The following NCAPG2 variants were observed in gnomAD, a reference collection of about 807,000 sequenced individuals.
NCAPG2 encodes the protein non-SMC condensin II complex subunit G2.
In NCAPG2, 53 loss-of-function variants were observed where a neutral mutation model predicts 141.1. The ratio of observed to expected loss-of-function variants is 0.38; its 90% CI spans 0.30 to 0.47. NCAPG2 has a LOEUF of 0.47. Ranked by LOEUF, NCAPG2 falls within the 20% of genes least tolerant of loss-of-function variation. NCAPG2 has a pLI of 0.99. For missense variants in NCAPG2, 1,087 were observed against 1,389.0 expected, an observed-to-expected ratio of 0.78 and a Z score of 3.46; for synonymous variants, 499 against 490.7, an observed-to-expected ratio of 1.02 and a Z score of -0.22.
intron 13 of NCAPG2, among the ~76,000 whole-genome samples, chr7:158,666,358 C>G (rs933187520): frequency 7.2e-5 from 11 of 152,064 alleles, no homozygotes; most frequent in African/African-American, 2.4e-4. Flanking sequence ...ACTGCACCAG[C>G]GGGCCTGCAG....
intron 13 of NCAPG2, among the ~76,000 whole-genome samples, chr7:158,667,457 TCCGCCCGCC>T (rs1833145370): frequency 7.5e-6 from 1 of 133,894 alleles, no homozygotes; most frequent in African/African-American, 3.0e-5. Flanking sequence ...ACTGGGTCCC[TCCGCCCGCC>T]TTACCCACTA....
chr7:158,648,621 A>G (rs549819896), intron 24 of NCAPG2, among the ~76,000 whole-genome samples: 1 of 86,746 alleles, frequency 1.2e-5, no homozygotes, highest in South Asian at 4.0e-4. Context: ...ATGGACGACA[A>G]CCACGCCAAA....
chr7:158,660,053 A>G (rs954337663), intron 16 of NCAPG2, among the ~76,000 whole-genome samples: 1 of 152,010 alleles, frequency 6.6e-6, no homozygotes, highest in Non-Finnish European at 1.5e-5. Context: ...CGAGGCTTGC[A>G]GCCAAGATCA....
At chr7:158,651,734 C>T (rs1831508620) in intron 23 of NCAPG2, among the ~76,000 whole-genome samples, 1 of 152,124 alleles carries the variant, frequency 6.6e-6, no homozygotes, top group Non-Finnish European at 1.5e-5. Context: ...CAGCTTTCAA[C>T]CAGCAAAGGG....
chr7:158,651,087 A>G (rs970236161), intron 23 of NCAPG2, 115 bp from the exon 24 acceptor site: 1 of 1,145,910 alleles, frequency 8.7e-7, no homozygotes, highest in East Asian at 3.1e-5. Context: ...TCAAGGAGTC[A>G]CTGATCTTGT....
At chr7:158,663,433 G>A (rs1359315004) in intron 15 of NCAPG2, among the ~76,000 whole-genome samples, 6 of 152,220 alleles carry the variant, frequency 3.9e-5, no homozygotes, top group African/African-American at 1.4e-4. Flanking sequence ...CAGCATAACT[G>A]ACTGAGGGGC....
At chr7:158,668,758 G>GT (rs1267233916) in intron 13 of NCAPG2, among the ~76,000 whole-genome samples, 1 of 152,174 alleles carries the variant, frequency 6.6e-6, no homozygotes, top group Non-Finnish European at 1.5e-5. Flanking sequence ...TGTTTTCTGG[G>GT]TTTTTTGGTC....
chr7:158,688,177 T>TA (rs34988657), intron 6 of NCAPG2, among the ~76,000 whole-genome samples: 80,557 of 134,080 alleles, frequency 0.6, 21,962 homozygotes, highest in Middle Eastern at 0.66. Context: ...ACAGGCAAGT[T>TA]AAAAAAAAAA....
chr7:158,653,022 C>T (rs1831598112), intron 22 of NCAPG2, among the ~76,000 whole-genome samples: 1 of 152,146 alleles, frequency 6.6e-6, no homozygotes, highest in Non-Finnish European at 1.5e-5. Flanking sequence ...TTGACTGTTG[C>T]AATCATTAAG....
intron 13 of NCAPG2, among the ~76,000 whole-genome samples, chr7:158,670,679 G>A (rs143912651): frequency 1.1e-4 from 17 of 149,450 alleles, no homozygotes; most frequent in Non-Finnish European, 2.2e-4. Context: ...AGCACACCAG[G>A]ACCACATCTA....
In NCAPG2 at chr7:158,655,250, T is replaced by C. The variant is rs1322402704; in HGVS notation, c.2514A>G (p.Ser838=). Residue 838 remains serine, a synonymous_variant, in exon 21 of 28, where the codon TCA becomes TCG. Transcript: ENST00000356309. ...LSIHLQHKFC[S]EGKVYLSMLE... ...ACATGGACAAATACACCTTTCCTTC[T>C]GAGCAGAACTGTCCAAAAACAAGAA... 1 of 1,613,400 alleles carries C rather than the reference T, an allele frequency of 6.2e-7. No individual in the cohort carries two copies.
chr7:158,648,100 C>T (rs554720419), intron 24 of NCAPG2, among the ~76,000 whole-genome samples: 1 of 152,188 alleles, frequency 6.6e-6, no homozygotes, highest in African/African-American at 2.4e-5. Flanking sequence ...CATTAAAATA[C>T]TTTACATCTT....
At chr7:158,648,537 G>T (rs73165313) in intron 24 of NCAPG2, among the ~76,000 whole-genome samples, 44,195 of 92,748 alleles carry the variant, frequency 0.48, 11,499 homozygotes, top group Non-Finnish European at 0.54. Context: ...CCAAATGGAC[G>T]ACAACCACGG....
intron 16 of NCAPG2, among the ~76,000 whole-genome samples, chr7:158,661,791 T>C (rs1270916260): frequency 1.3e-5 from 2 of 152,160 alleles, no homozygotes; most frequent in African/African-American, 4.8e-5. Flanking sequence ...ACTCAAATAC[T>C]TCAGGGACAT....
chr7:158,663,995 G>C (rs965042669), intron 15 of NCAPG2, among the ~76,000 whole-genome samples, 189 bp downstream of exon 15: 2 of 152,208 alleles, frequency 1.3e-5, no homozygotes, highest in African/African-American at 4.8e-5. Flanking sequence ...TCCTACCTGA[G>C]CTCCAAAATG....
intron 2 of NCAPG2, among the ~76,000 whole-genome samples, chr7:158,695,383 A>C (rs1449523076): frequency 1.3e-5 from 2 of 152,268 alleles, no homozygotes; most frequent in Non-Finnish European, 2.9e-5. Context: ...TGAAGGATAT[A>C]GCCTGAAGGA....
chr7:158,645,422 G>T, intron 26 of NCAPG2, 97 bp downstream of exon 26: 1 of 1,037,710 alleles, frequency 9.6e-7, no homozygotes, highest in Non-Finnish European at 1.5e-6. Flanking sequence ...AGCTGGCCAG[G>T]AGTAGCCAAG....
chr7:158,684,425 A>G (rs1261058683), intron 8 of NCAPG2, among the ~76,000 whole-genome samples: 14 of 152,282 alleles, frequency 9.2e-5, no homozygotes. Flanking sequence ...CAACTTGTTG[A>G]GTCCTAATTC....
In NCAPG2 at chr7:158,668,759, T is replaced by G. The variant is rs1441502112; in HGVS notation, c.1479+2755A>C. ...CTTAAAGTCTACTTTGTTTTCTGGG[T>G]TTTTTGGTCCAACTTTTAAGTTCAG... On this transcript the variant is annotated intron_variant, in intron 13 of 27. Coordinates refer to ENST00000356309, the MANE Select transcript of NCAPG2 (RefSeq NM_017760.7). 2.6e-5 allele frequency among the ~76,000 whole-genome samples: 4 copies of G among 152,190 alleles called. No homozygotes were observed. The East Asian group carries it at 7.7e-4, about 29-fold the overall frequency.
Sources: gnomAD v4.1 joint callset for allele counts (sites outside exome capture counted in the v4.1 genomes callset) on GRCh38, gnomAD v4.1.1 for gene constraint, MANE v1.5 for transcripts, NCBI Gene and HGNC (gene_info 2026-07-23, HGNC 2026-07-21) for gene names.